Variants in CDK14 observed in about 807,000 individuals in gnomAD.
The protein encoded by CDK14 is cyclin dependent kinase 14.
A neutral mutation model predicts 60.7 loss-of-function variants in CDK14; 34 were observed. The observed-to-expected ratio is 0.56, with a 90% CI of 0.43 to 0.75. CDK14 has a LOEUF of 0.75. CDK14 is among the 30% of genes least tolerant of loss of function. The probability of loss-of-function intolerance (pLI) is 0.00; values close to 1 mark genes in which losing one functional copy is unlikely to be tolerated. For missense variants in CDK14, 482 were observed against 564.1 expected, an observed-to-expected ratio of 0.85 and a Z score of 1.47; for synonymous variants, 197 against 203.7, an observed-to-expected ratio of 0.97 and a Z score of 0.28.
chr7:90,676,832 G>A (rs1039177309), intron 2 of CDK14, among the ~76,000 whole-genome samples: 2 of 152,064 alleles, frequency 1.3e-5, no homozygotes, highest in African/African-American at 2.4e-5. Context: ...CACTATAGCC[G>A]GCTCAGTCCC....
intron 2 of CDK14, among the ~76,000 whole-genome samples, chr7:90,641,112 A>C (rs1178247313): frequency 7.9e-6 from 1 of 126,118 alleles, no homozygotes; most frequent in Non-Finnish European, 1.8e-5. Context: ...GAAGAAAAAA[A>C]CAAAAACAAA....
Position 90,624,163 on chromosome 7 carries a change from T to A in CDK14, c.123+19914T>A, listed in dbSNP as rs138601788. On this transcript the variant is annotated intron_variant, in intron 2 of 14. Transcript: ENST00000380050. ...AAGTGCTGTTCCCCAGGCCACAGTC[T>A]TCTGTTCTCACAGTGGAGCTTTGTC... 4.1e-3 allele frequency among the ~76,000 whole-genome samples: 623 copies of A among 152,280 alleles called. 7 individuals carry two copies. Among genetic ancestry groups the A allele is most frequent in the African/African-American group, 0.014 (600 of 41,556 alleles).
At chr7:90,838,983 T>C (rs779027496) in intron 5 of CDK14, among the ~76,000 whole-genome samples, 1 of 152,212 alleles carries the variant, frequency 6.6e-6, no homozygotes, top group Non-Finnish European at 1.5e-5. Flanking sequence ...AAAAACTTGC[T>C]GGTTTTGCAG....
At chr7:90,949,801 A>G (rs139754842) in intron 8 of CDK14, among the ~76,000 whole-genome samples, 1 of 152,342 alleles carries the variant, frequency 6.6e-6, no homozygotes, top group Non-Finnish European at 1.5e-5. Context: ...AGGAAAGAAA[A>G]GGATATTTTA....
intron 14 of CDK14, among the ~76,000 whole-genome samples, chr7:91,161,101 G>T (rs1474686824): frequency 6.6e-6 from 1 of 152,180 alleles, no homozygotes; most frequent in African/African-American, 2.4e-5. Flanking sequence ...TGGGCAATTG[G>T]TGTCAAAATT....
chr7:91,058,956 T>C (rs1199299451), intron 11 of CDK14, among the ~76,000 whole-genome samples: 2 of 152,258 alleles, frequency 1.3e-5, no homozygotes, highest in Non-Finnish European at 2.9e-5. Context: ...TTTCTATTGA[T>C]TGGAGTAGCT....
At chr7:90,978,615 C>T (rs1393545853) in intron 9 of CDK14, among the ~76,000 whole-genome samples, 2 of 152,038 alleles carry the variant, frequency 1.3e-5, no homozygotes, top group Non-Finnish European at 2.9e-5. Context: ...TCTTCTCCCT[C>T]CCATGATGCA....
intron 4 of CDK14, among the ~76,000 whole-genome samples, chr7:90,764,975 T>C (rs1017426010): frequency 2.6e-5 from 4 of 152,318 alleles, no homozygotes; most frequent in Middle Eastern, 3.4e-3. Context: ...TCATTCCTAA[T>C]TGGCCTGATG....
chr7:90,883,078 G>A (rs1407236254), intron 6 of CDK14, among the ~76,000 whole-genome samples: 1 of 150,448 alleles, frequency 6.6e-6, no homozygotes, highest in African/African-American at 2.4e-5. Context: ...CAGAAGACAG[G>A]AAATAACTAA....
chr7:90,806,814 G>C (rs1005080608), intron 5 of CDK14, among the ~76,000 whole-genome samples: 1 of 152,252 alleles, frequency 6.6e-6, no homozygotes, highest in Non-Finnish European at 1.5e-5. Context: ...TACACCAGGA[G>C]ATTATATCCC....
chr7:90,733,897 A>G (rs1802976595), intron 3 of CDK14, among the ~76,000 whole-genome samples: 1 of 152,126 alleles, frequency 6.6e-6, no homozygotes, highest in East Asian at 1.9e-4. Context: ...CAGTTTCTTC[A>G]TAGCGTTGAT....
intron 5 of CDK14, among the ~76,000 whole-genome samples, chr7:90,796,143 C>T (rs761158958): frequency 8.6e-5 from 13 of 151,904 alleles, no homozygotes; most frequent in Non-Finnish European, 1.8e-4. Flanking sequence ...CCCTCAGTTG[C>T]GGTTGTGTTG....
chr7:91,152,028 A>G (rs1006108949), intron 14 of CDK14, among the ~76,000 whole-genome samples: 1 of 152,214 alleles, frequency 6.6e-6, no homozygotes, highest in Non-Finnish European at 1.5e-5. Context: ...CTTAAATGCT[A>G]CCAATGGGCT....
chr7:90,829,623 C>A (rs910797529), intron 5 of CDK14, among the ~76,000 whole-genome samples: 2 of 152,070 alleles, frequency 1.3e-5, no homozygotes, highest in East Asian at 3.9e-4. Flanking sequence ...CCTCCGCCCC[C>A]CCAGGTTCAA....
chr7:91,041,866 A>C (rs1797100699), intron 10 of CDK14, among the ~76,000 whole-genome samples: 1 of 152,206 alleles, frequency 6.6e-6, no homozygotes, highest in Non-Finnish European at 1.5e-5. Flanking sequence ...TCATTCATTC[A>C]GTCAGTCAAC....
chr7:91,029,451 C>T (rs946334253), intron 10 of CDK14, among the ~76,000 whole-genome samples: 2 of 151,660 alleles, frequency 1.3e-5, no homozygotes, highest in Non-Finnish European at 2.9e-5. Context: ...AGTCCATGAG[C>T]ATGGAATGGT....
chr7:91,112,960 T>C (rs976184399), intron 13 of CDK14, among the ~76,000 whole-genome samples: 6 of 151,942 alleles, frequency 3.9e-5, no homozygotes, highest in Non-Finnish European at 8.8e-5. Context: ...AGGAAGAAAA[T>C]GGATTCCTTT....
chr7:91,021,727 A>G (rs936972207), intron 10 of CDK14, among the ~76,000 whole-genome samples: 5 of 152,246 alleles, frequency 3.3e-5, no homozygotes, highest in Admixed American at 2.0e-4. Context: ...ACACCTTGTC[A>G]AGGGATCCCT....
chr7:90,888,577 G>C (rs181440372), intron 6 of CDK14, among the ~76,000 whole-genome samples: 78 of 152,098 alleles, frequency 5.1e-4, no homozygotes, highest in African/African-American at 1.9e-3. Flanking sequence ...TTCTAACTCT[G>C]TTCATTCATG....
Sources: gnomAD v4.1 joint callset for allele counts (sites outside exome capture counted in the v4.1 genomes callset) on GRCh38, gnomAD v4.1.1 for gene constraint, MANE v1.5 for transcripts, NCBI Gene and HGNC (gene_info 2026-07-23, HGNC 2026-07-21) for gene names.